Variants in HEPHL1 observed in about 807,000 individuals in gnomAD.
HEPHL1 encodes ferroxidase HEPHL1.
Under a neutral mutation model 122.0 loss-of-function variants are expected in HEPHL1, and 123 were observed. The observed-to-expected ratio is 1.01, with a 90% CI of 0.87 to 1.17. The LOEUF is 1.17. Ranked by LOEUF, HEPHL1 falls within the 50% of genes most tolerant of loss-of-function variation. HEPHL1 has a pLI of 0.00. For synonymous variants in HEPHL1, 527 were observed against 508.9 expected, an observed-to-expected ratio of 1.04 and a Z score of -0.48; for missense variants, 1,452 against 1,430.5, an observed-to-expected ratio of 1.01 and a Z score of -0.24.
chr11:94,036,206 A>C (rs75601679), intron 1 of HEPHL1, among the ~76,000 whole-genome samples: 3,220 of 152,310 alleles, frequency 0.021, 119 homozygotes, highest in African/African-American at 0.074. Flanking sequence ...CCTCAGAAGG[A>C]GCACTGTCCC....
At chr11:94,028,516 A>G (rs1356558057) in intron 1 of HEPHL1, among the ~76,000 whole-genome samples, 1 of 152,126 alleles carries the variant, frequency 6.6e-6, no homozygotes, top group Non-Finnish European at 1.5e-5. Context: ...CATCCACAGG[A>G]TTGGCCCCAG....
At chr11:94,035,947 AG>A (rs1488475324) in intron 1 of HEPHL1, among the ~76,000 whole-genome samples, 2 of 152,226 alleles carry the variant, frequency 1.3e-5, no homozygotes, top group Non-Finnish European at 2.9e-5. Flanking sequence ...CGTGTTAGCC[AG>A]GATGGTCTCG....
intron 18 of HEPHL1, among the ~76,000 whole-genome samples, 185 bp from the exon 19 acceptor site, chr11:94,111,352 G>C (rs1280718882): frequency 6.6e-6 from 1 of 152,162 alleles, no homozygotes; most frequent in Non-Finnish European, 1.5e-5. Flanking sequence ...TGGGTGAGCA[G>C]AAGTGGGAAA....
In HEPHL1 at chr11:94,060,645, G is replaced by A. The variant is rs543516559; in HGVS notation, c.416-2863G>A. Among the ~76,000 whole-genome samples the A allele has an allele frequency of 2.1e-3, 315 of 152,222 alleles. 1 individual carries two copies. The highest frequency in any genetic ancestry group is 3.8e-3 in the Non-Finnish European group (260 of 68,014). ...CCTTTCCAGGCAGTCTAATTTCAGT[G>A]GCTGTGAGCTTAACCAGTGGCTCTA... On this transcript the variant is annotated intron_variant, in intron 2 of 19. Coordinates refer to ENST00000315765, the MANE Select transcript of HEPHL1 (RefSeq NM_001098672.2).
At chr11:94,072,235 C>T (rs900489288) in intron 6 of HEPHL1, among the ~76,000 whole-genome samples, 1 of 151,968 alleles carries the variant, frequency 6.6e-6, no homozygotes, top group Admixed American at 6.6e-5. Context: ...GTGAATGAGC[C>T]AGTATCAGAT....
rs754865291 is a variant in HEPHL1 at position 94,088,921 on chromosome 11, C to T, written c.2247C>T (p.Asn749=). 17 of 1,613,818 alleles carry T rather than the reference C, an allele frequency of 1.1e-5. 1 individual carries two copies. In the South Asian group the frequency reaches 1.9e-4, roughly 18 times the overall value. ...AEEVEWDYAP[N]KNWEFEKQHV... is the part of the protein sequence containing the mutation. The stretch of plus-strand genomic sequence containing the variant: ...AAGTAGAATGGGATTATGCCCCTAA[C>T]AAAAACTGGGAGTTCGAAAAGCAGC... The change falls in exon 12 of 20, where the codon AAC becomes AAT. Residue 749 remains asparagine, a synonymous_variant. Coordinates refer to ENST00000315765, the MANE Select transcript of HEPHL1 (RefSeq NM_001098672.2).
At chr11:94,090,454 G>A (rs1040716401) in intron 12 of HEPHL1, among the ~76,000 whole-genome samples, 1 of 152,140 alleles carries the variant, frequency 6.6e-6, no homozygotes, top group African/African-American at 2.4e-5. Context: ...CTAGCAGGAA[G>A]GTCTAGCTTC....
At chr11:94,023,889 C>G (rs7107851) in intron 1 of HEPHL1, among the ~76,000 whole-genome samples, 22,341 of 152,136 alleles carry the variant, frequency 0.15, 1,791 homozygotes, top group African/African-American at 0.18. Context: ...GTGGCTCAGA[C>G]AAGTTCCTAA....
intron 13 of HEPHL1, among the ~76,000 whole-genome samples, chr11:94,093,971 G>GATAGATAGATAGATATATATATATAT (rs71036310): frequency 1.5e-4 from 11 of 72,770 alleles, no homozygotes; most frequent in East Asian, 4.7e-4. Context: ...TCCTCCAGCA[G>GATAGATAGATAGATATATATATATAT]ATATATATAT....
intron 10 of HEPHL1, among the ~76,000 whole-genome samples, chr11:94,085,156 G>GC (rs1946206219): frequency 6.6e-6 from 1 of 152,282 alleles, no homozygotes; most frequent in African/African-American, 2.4e-5. Context: ...GTCAGACATT[G>GC]CGTTATATCA....
At chr11:94,066,222 G>A (rs986492696) in intron 4 of HEPHL1, among the ~76,000 whole-genome samples, 1 of 151,982 alleles carries the variant, frequency 6.6e-6, no homozygotes, top group Non-Finnish European at 1.5e-5. Context: ...ACCCTAGCCT[G>A]TATGCTGAAG....
chr11:94,094,015 A>ATAT lies in HEPHL1; in HGVS notation c.2434+375_2434+376insTAT, dbSNP rs1565360572. ...ATATATATATATATATATATATATA[A>ATAT]AACTTTAAGTTCTAGGGTACATGTG... On this transcript the variant is annotated intron_variant, in intron 13 of 19. Coordinates refer to ENST00000315765, the MANE Select transcript of HEPHL1 (RefSeq NM_001098672.2). Among the ~76,000 whole-genome samples, 6 of 74,600 alleles carry ATAT rather than the reference A, an allele frequency of 8.0e-5. 1 individual carries two copies. Among genetic ancestry groups the ATAT allele is most frequent in the African/African-American group, 3.5e-4 (6 of 17,192 alleles). The allele number at this position is 74,600 out of a possible 152,430, so 48.9% of individuals were successfully genotyped here. A position where few individuals can be genotyped will look rare whatever the true frequency, so the allele number is the denominator to read the frequency against.
chr11:94,031,331 TACACACACACACACACACACACAC>T (rs3058474), intron 1 of HEPHL1, among the ~76,000 whole-genome samples: 1 of 144,494 alleles, frequency 6.9e-6, no homozygotes, highest in East Asian at 2.1e-4. Flanking sequence ...TGTGCATTGT[TACACACACACACACACACACACAC>T]ACACACACAC....
intron 1 of HEPHL1, among the ~76,000 whole-genome samples, chr11:94,037,225 C>T (rs944157002): frequency 1.3e-5 from 2 of 152,250 alleles, no homozygotes; most frequent in Admixed American, 6.5e-5. Flanking sequence ...CCTACGCCCA[C>T]GGAGTCTCGC....
chr11:94,108,950 G>T (rs1205365740), intron 17 of HEPHL1, among the ~76,000 whole-genome samples: 1 of 152,050 alleles, frequency 6.6e-6, no homozygotes, highest in East Asian at 1.9e-4. Flanking sequence ...TATACAATGG[G>T]TTGGACAGAA....
rs535648597 is a variant in HEPHL1, at chr11:94,098,526, A to G, written c.2435-2669A>G. Among the ~76,000 whole-genome samples the G allele has an allele frequency of 2.2e-3, 331 of 152,152 alleles. 2 individuals are homozygous for G. The highest frequency in any genetic ancestry group is 7.7e-3 in the African/African-American group (319 of 41,512). On this transcript the variant is annotated intron_variant, in intron 13 of 19. Coordinates refer to ENST00000315765, the MANE Select transcript of HEPHL1 (RefSeq NM_001098672.2). Reference sequence around the variant, plus strand: ...TCTTCTCGAGGAGTATCTTTGTGGCATTCTCTGTATTTCCTGAATCTGAAT... The same window carrying G: ...TCTTCTCGAGGAGTATCTTTGTGGCGTTCTCTGTATTTCCTGAATCTGAAT...
chr11:94,063,480 C>T (rs1946003512), intron 2 of HEPHL1, 28 bp from the exon 3 acceptor site: 24 of 1,495,808 alleles, frequency 1.6e-5, no homozygotes, highest in Non-Finnish European at 2.1e-5. Flanking sequence ...TATGTTTTAC[C>T]TTTTTTTTTA....
chr11:94,085,281 A>C (rs1591482379), intron 10 of HEPHL1, among the ~76,000 whole-genome samples: 2 of 152,144 alleles, frequency 1.3e-5, no homozygotes, highest in East Asian at 1.9e-4. Context: ...ACAATTTGCC[A>C]CTCTGGAAGC....
chr11:94,067,360 G>T, intron 4 of HEPHL1, 136 bp from the exon 5 acceptor site: 2 of 773,558 alleles, frequency 2.6e-6, no homozygotes, highest in Non-Finnish European at 4.3e-6. Flanking sequence ...TAAGAGCCAG[G>T]TTTTTCTGCA....
Sources: gnomAD v4.1 joint callset for allele counts (sites outside exome capture counted in the v4.1 genomes callset) on GRCh38, gnomAD v4.1.1 for gene constraint, MANE v1.5 for transcripts, NCBI Gene and HGNC (gene_info 2026-07-23, HGNC 2026-07-21) for gene names.